Variants in TPMT observed in about 807,000 individuals in gnomAD.
TPMT encodes the protein S-adenosyl-L-methionine:thiopurine S-methyltransferase.
Under a neutral mutation model 34.2 loss-of-function variants are expected in TPMT, and 18 were observed. The ratio of observed to expected loss-of-function variants is 0.53; its 90% CI spans 0.36 to 0.78. The LOEUF is 0.78. TPMT is among the 30% of genes least tolerant of loss of function. TPMT has a pLI of 0.00. For missense variants in TPMT, 265 were observed against 288.1 expected (o/e 0.92, Z 0.58); for synonymous variants, 69 against 92.4 (o/e 0.75, Z 1.45).
At chr6:18,134,378 C>T (rs1381570375) in intron 6 of TPMT, among the ~76,000 whole-genome samples, 1 of 152,228 alleles carries the variant, frequency 6.6e-6, no homozygotes, top group African/African-American at 2.4e-5. Context: ...TCCTGGGTGA[C>T]TGGGACCCCT....
chr6:18,148,903 T>G lies in TPMT; in HGVS notation c.140+85A>C. On this transcript the variant is annotated intron_variant, in intron 2 of 8. Transcript: ENST00000309983. The surrounding 1 kb of genome is among the most constrained non-coding windows in gnomAD (Gnocchi z 4.1). The stretch of plus-strand genomic sequence containing the variant: ...ATTAAATGTGCATCCTAAAAGTTAG[T>G]CAAATAATGTGTACTTTTATTATTT... The G allele has an allele frequency of 6.3e-7, 1 of 1,587,262 alleles. No individual in the cohort carries two copies. The highest frequency in any genetic ancestry group is 2.2e-5 in the East Asian group (1 of 44,740).
rs2150705876 is a variant in TPMT at position 18,128,627 on chromosome 6, C to T, written c.*2041G>A. On this transcript the variant is annotated 3_prime_UTR_variant, in exon 9 of 9. Transcript: ENST00000309983. This position sits in a 1 kb window ranked among gnomAD's most constrained non-coding sequence, Gnocchi z 4.6. ...CTTTCTGCAGATCAGCGTTCTGTTT[C>T]TCAGATCCATGTGCTGGAATGTGGC... 1 of 152,378 alleles carries T rather than the reference C, an allele frequency of 6.6e-6. No individual in the cohort carries two copies. The highest frequency in any genetic ancestry group is 1.9e-4 in the East Asian group (1 of 5,186). 9.4% of individuals were successfully genotyped at this position (152,378 alleles called of 1,614,324 possible).
At chr6:18,133,468 G>A (rs887120883) in intron 7 of TPMT, among the ~76,000 whole-genome samples, 1 of 152,168 alleles carries the variant, frequency 6.6e-6, no homozygotes, top group Non-Finnish European at 1.5e-5. Flanking sequence ...TGGGTGATAC[G>A]GATATGCAAT....
In TPMT at chr6:18,132,026, C is replaced by T; in HGVS notation, c.625+107G>A. On this transcript the variant is annotated intron_variant, in intron 8 of 8. Transcript: ENST00000309983. This position sits in a 1 kb window ranked among gnomAD's most constrained non-coding sequence, Gnocchi z 4.8. ...TCCTGGCCTCAGGTGATCTGCCCAC[C>T]TTGGCCTCCCAAAGTGCTGGAAATA... 1 of 1,213,010 alleles carries T rather than the reference C, an allele frequency of 8.2e-7. No homozygotes were observed. The highest frequency in any genetic ancestry group is 1.2e-6 in the Non-Finnish European group (1 of 824,598). 75.1% of individuals were successfully genotyped at this position (1,213,010 alleles called of 1,614,324 possible).
chr6:18,137,180 C>T (rs1356676722), intron 6 of TPMT, among the ~76,000 whole-genome samples: 2 of 152,026 alleles, frequency 1.3e-5, no homozygotes, highest in African/African-American at 4.8e-5. Context: ...CTCCGTTGCC[C>T]AGGCTGGAGT....
Position 18,140,779 on chromosome 6 carries a change from G to T in TPMT, c.367-1062C>A, listed in dbSNP as rs1402564640. On this transcript the variant is annotated intron_variant, in intron 4 of 8. Coordinates refer to ENST00000309983, the MANE Select transcript of TPMT (RefSeq NM_000367.5). This position sits in a 1 kb window ranked among gnomAD's most constrained non-coding sequence, Gnocchi z 4.7. Reference sequence around the variant, plus strand: ...AAAAAGAGGTGACTTTTGAAAGGGTGACACTCTAGGGTGTGGACTGGGGGC... The same window carrying T: ...AAAAAGAGGTGACTTTTGAAAGGGTTACACTCTAGGGTGTGGACTGGGGGC... 1.3e-5 allele frequency among the ~76,000 whole-genome samples: 2 copies of T among 152,292 alleles called. No homozygotes were observed. The highest frequency in any genetic ancestry group is 3.9e-4 in the East Asian group (2 of 5,186).
chr6:18,132,220 G>A lies in TPMT; in HGVS notation c.581-43C>T, dbSNP rs777918486. The A allele has an allele frequency of 1.3e-5, 21 of 1,580,266 alleles. No individual in the cohort carries two copies. Among genetic ancestry groups the A allele is most frequent in the Non-Finnish European group, 1.6e-5 (18 of 1,150,098 alleles). ...AAATTCTGAGTTTATTTCCAATGAC[G>A]TAGGTGTACTTGTTCTACATACAAC... On this transcript the variant is annotated intron_variant, in intron 7 of 8. Coordinates refer to ENST00000309983, the MANE Select transcript of TPMT (RefSeq NM_000367.5). The surrounding 1 kb of genome is among the most constrained non-coding windows in gnomAD (Gnocchi z 4.8).
rs986978163 is a variant in TPMT, at chr6:18,136,579, G to A, written c.494+2384C>T. ...AATCCCAGCACCGGGTGGCCGAGGC[G>A]GGTGGATCAGCTGGGGTCCGGAGTT... On this transcript the variant is annotated intron_variant, in intron 6 of 8. Coordinates refer to ENST00000309983, the MANE Select transcript of TPMT (RefSeq NM_000367.5). The surrounding 1 kb of genome is among the most constrained non-coding windows in gnomAD (Gnocchi z 4.7). Among the ~76,000 whole-genome samples the A allele has an allele frequency of 2.0e-5, 3 of 152,142 alleles. No homozygotes were observed. The highest frequency in any genetic ancestry group is 1.3e-4 in the Admixed American group (2 of 15,276).
intron 6 of TPMT, 38 bp from the exon 7 acceptor site, chr6:18,133,927 T>G: frequency 1.9e-6 from 3 of 1,562,696 alleles, no homozygotes; most frequent in Non-Finnish European, 2.6e-6. Flanking sequence ...TACATTTCTC[T>G]ACACAGGCAA....
chr6:18,151,573 G>GATTGATTTATTT (rs1415941448), intron 1 of TPMT, among the ~76,000 whole-genome samples: 147 of 143,282 alleles, frequency 1.0e-3, no homozygotes, highest in Non-Finnish European at 1.9e-3. Flanking sequence ...TGGAAACCTA[G>GATTGATTTATTT]ATTTATTTAT....
At position 18,132,490 on chromosome 6, in the gene TPMT, A is replaced by G. The variant is rs1024098642; in HGVS notation, c.581-313T>C. On this transcript the variant is annotated intron_variant, in intron 7 of 8. Coordinates refer to ENST00000309983, the MANE Select transcript of TPMT (RefSeq NM_000367.5). The surrounding 1 kb of genome is among the most constrained non-coding windows in gnomAD (Gnocchi z 4.8). ...CTTCTAGCATACTGATTTTCTACCA[A>G]CTCCTGCACTCACCCACATTTTATA... 2.0e-5 allele frequency among the ~76,000 whole-genome samples: 3 copies of G among 151,414 alleles called. No homozygotes were observed. Among genetic ancestry groups the G allele is most frequent in the Non-Finnish European group, 4.4e-5 (3 of 67,896 alleles).
In TPMT at chr6:18,132,228, ACTTGTTCTACATACAACTT is replaced by A; in HGVS notation, c.581-70_581-52del. 1 of 1,556,212 alleles carries A rather than the reference ACTTGTTCTACATACAACTT, an allele frequency of 6.4e-7. No individual in the cohort carries two copies. The highest frequency in any genetic ancestry group is 8.9e-7 in the Non-Finnish European group (1 of 1,128,742). ...AGTTTATTTCCAATGACGTAGGTGT[ACTTGTTCTACATACAACTT>A]CATTATCCAAATAGGTGATGATGTG... is the stretch of plus-strand genomic sequence containing the variant. On this transcript the variant is annotated intron_variant, in intron 7 of 8. Coordinates refer to ENST00000309983, the MANE Select transcript of TPMT (RefSeq NM_000367.5). The surrounding 1 kb of genome is among the most constrained non-coding windows in gnomAD (Gnocchi z 4.8).
At position 18,143,549 on chromosome 6, in the gene TPMT, CT is replaced by C. The variant is rs746252487; in HGVS notation, c.366+46del. ...CTCATAATACTCACACTGAGAAAAACTTTTGTGGGGATATGGATACAATTAT... is the reference window on the plus strand; with the variant it reads ...CTCATAATACTCACACTGAGAAAAACTTTGTGGGGATATGGATACAATTAT... On this transcript the variant is annotated intron_variant, in intron 4 of 8. Coordinates refer to ENST00000309983, the MANE Select transcript of TPMT (RefSeq NM_000367.5). This position sits in a 1 kb window ranked among gnomAD's most constrained non-coding sequence, Gnocchi z 6.1. The C allele has an allele frequency of 5.6e-6, 9 of 1,610,672 alleles. No individual in the cohort carries two copies. The highest frequency in any genetic ancestry group is 6.8e-6 in the Non-Finnish European group (8 of 1,179,452).
Position 18,130,848 on chromosome 6 carries a change from C to G in TPMT, c.626-68G>C. On this transcript the variant is annotated intron_variant, in intron 8 of 8. Coordinates refer to ENST00000309983, the MANE Select transcript of TPMT (RefSeq NM_000367.5). This position sits in a 1 kb window ranked among gnomAD's most constrained non-coding sequence, Gnocchi z 4.2. ...GACATCAGGGATTCTTTTAAAAATA[C>G]TCAAAATTGGCTGGGTGCGGTGGCT... 7.1e-7 allele frequency: 1 copy of G among 1,404,452 alleles called. No individual in the cohort carries two copies. Among genetic ancestry groups the G allele is most frequent in the Non-Finnish European group, 1.0e-6 (1 of 995,300 alleles). 87.0% of individuals were successfully genotyped at this position (1,404,452 alleles called of 1,614,324 possible).
chr6:18,151,286 T>C (rs1302947537), intron 1 of TPMT, among the ~76,000 whole-genome samples: 2 of 150,626 alleles, frequency 1.3e-5, no homozygotes, highest in Non-Finnish European at 2.9e-5. Flanking sequence ...GGCAACATAG[T>C]GAGACTCCAT....
rs776475095 is a variant in TPMT, at chr6:18,138,618, A to G, written c.494+345T>C. Among the ~76,000 whole-genome samples, 9 of 152,158 alleles carry G rather than the reference A, an allele frequency of 5.9e-5. No homozygotes were observed. Among genetic ancestry groups the G allele is most frequent in the Non-Finnish European group, 1.3e-4 (9 of 68,018 alleles). ...TGGAATAGGCAAGTGACCAGTAAGT[A>G]TTACCTGGTAATATTAGTGGAGGTG... On this transcript the variant is annotated intron_variant, in intron 6 of 8. Transcript: ENST00000309983. The surrounding 1 kb of genome is among the most constrained non-coding windows in gnomAD (Gnocchi z 4.1).
In TPMT at chr6:18,130,705, C is replaced by G. The variant is rs1384789739; in HGVS notation, c.701G>C (p.Cys234Ser). 7.4e-6 allele frequency: 12 copies of G among 1,612,722 alleles called. No homozygotes were observed. The change falls in exon 9 of 9, where the codon TGT becomes TCT. Residue 234 changes from cysteine (C) to serine (S), a missense_variant. Cys to Ser is a moderately radical substitution (Grantham distance 112). Transcript: ENST00000309983. This position sits in a 1 kb window ranked among gnomAD's most constrained non-coding sequence, Gnocchi z 4.2. ...AAGTAGATATAACTTTTCAAAAAGA[C>G]AGTCAATTCCCCAACTTTTATGTCG... ...EERHKSWGIDCLFEKLYLLTE... is the reference protein window; with the variant it reads ...EERHKSWGIDSLFEKLYLLTE...
At position 18,154,049 on chromosome 6, in the gene TPMT, C is replaced by G. The variant is rs1213091296; in HGVS notation, c.-45+984G>C. ...CCTCTCACTTCAACCTCCTGAGTAC[C>G]TGGGACTATAAGGGTGCACCACCAT... On this transcript the variant is annotated intron_variant, in intron 1 of 8. Transcript: ENST00000309983. The surrounding 1 kb of genome is among the most constrained non-coding windows in gnomAD (Gnocchi z 4.2). 6.6e-6 allele frequency among the ~76,000 whole-genome samples: 1 copy of G among 152,152 alleles called. No homozygotes were observed. The highest frequency in any genetic ancestry group is 1.9e-4 in the East Asian group (1 of 5,198).
rs1784386021 is a variant in TPMT, at chr6:18,153,172, G to T, written c.-45+1861C>A. On this transcript the variant is annotated intron_variant, in intron 1 of 8. Coordinates refer to ENST00000309983, the MANE Select transcript of TPMT (RefSeq NM_000367.5). The surrounding 1 kb of genome is among the most constrained non-coding windows in gnomAD (Gnocchi z 4.2). ...CCTTTGCCCCTCCCTGGAAGTGTCAGTTTCTGGCTTCTGGCCTGCGGCTAC... is the reference window on the plus strand; with the variant it reads ...CCTTTGCCCCTCCCTGGAAGTGTCATTTTCTGGCTTCTGGCCTGCGGCTAC... 6.6e-6 allele frequency among the ~76,000 whole-genome samples: 1 copy of T among 152,188 alleles called. No individual in the cohort carries two copies. The highest frequency in any genetic ancestry group is 2.1e-4 in the South Asian group (1 of 4,832).
Sources: allele counts gnomAD v4.1 joint callset (sites outside exome capture counted in the v4.1 genomes callset), GRCh38; gene constraint gnomAD v4.1.1; non-coding constraint Gnocchi (gnomAD v3.1); transcripts MANE v1.5; gene names NCBI Gene and HGNC (gene_info 2026-07-23, HGNC 2026-07-21).